The following DLG2 variants were observed in gnomAD, a reference collection of about 807,000 sequenced individuals.
DLG2 encodes disks large homolog 2.
Under a neutral mutation model 132.5 loss-of-function variants are expected in DLG2, and 45 were observed. The observed-to-expected ratio is 0.34, with a 90% CI of 0.27 to 0.44. The LOEUF is 0.44. Among genes scored for constraint, DLG2 ranks in the 20% least tolerant of loss-of-function variants. The pLI is 1.00. For synonymous variants in DLG2, 424 were observed against 419.6 expected (o/e 1.01, Z -0.13); for missense variants, 1,045 against 1,196.9 (o/e 0.87, Z 1.87).
At chr11:83,751,295 T>C (rs987795664) in intron 18 of DLG2, among the ~76,000 whole-genome samples, 1 of 151,940 alleles carries the variant, frequency 6.6e-6, no homozygotes, top group Non-Finnish European at 1.5e-5. Context: ...GCAGAAACAG[T>C]AGAGGAAGAG....
intron 7 of DLG2, among the ~76,000 whole-genome samples, chr11:84,481,182 T>C (rs2099136531): frequency 6.6e-6 from 1 of 152,224 alleles, no homozygotes; most frequent in Non-Finnish European, 1.5e-5. Flanking sequence ...TAATATTTTG[T>C]CTATCATATG....
At chr11:85,315,472 C>T (rs1175404650) in intron 3 of DLG2, among the ~76,000 whole-genome samples, 1 of 151,982 alleles carries the variant, frequency 6.6e-6, no homozygotes, top group Non-Finnish European at 1.5e-5. Context: ...GAGGACTCAG[C>T]AGTGGGATAA....
At chr11:85,130,640 C>T (rs2075621590) in intron 5 of DLG2, among the ~76,000 whole-genome samples, 1 of 152,186 alleles carries the variant, frequency 6.6e-6, no homozygotes, top group African/African-American at 2.4e-5. Context: ...TTGAAGACAG[C>T]ACCTTAGCCA....
intron 7 of DLG2, among the ~76,000 whole-genome samples, chr11:84,340,233 C>T (rs562869866): frequency 2.0e-5 from 3 of 152,322 alleles, no homozygotes; most frequent in South Asian, 2.1e-4. Flanking sequence ...CAAAACCCCA[C>T]CAGTTGCCTT....
At chr11:85,396,360 AC>A (rs1215149531) in intron 3 of DLG2, among the ~76,000 whole-genome samples, 3 of 152,102 alleles carry the variant, frequency 2.0e-5, no homozygotes, top group Admixed American at 2.0e-4. Context: ...AAAAGAGAGC[AC>A]CTCTTTTCCT....
intron 9 of DLG2, among the ~76,000 whole-genome samples, chr11:84,160,554 G>A (rs551592615): frequency 1.3e-5 from 2 of 152,202 alleles, no homozygotes; most frequent in Admixed American, 1.3e-4. Context: ...TTAGATTTTT[G>A]GTAAAGCAAA....
intron 21 of DLG2, among the ~76,000 whole-genome samples, chr11:83,506,723 T>A (rs1051932722): frequency 1.3e-5 from 2 of 152,156 alleles, no homozygotes; most frequent in African/African-American, 4.8e-5. Context: ...AAAAGGTTCA[T>A]CAGAATTTAC....
At chr11:83,588,130 C>G in intron 19 of DLG2, among the ~76,000 whole-genome samples, 1 of 152,146 alleles carries the variant, frequency 6.6e-6, no homozygotes, top group Non-Finnish European at 1.5e-5. Flanking sequence ...GTGGAGCCCA[C>G]CACAGCTCAA....
At chr11:83,597,658 T>C (rs1422824363) in intron 19 of DLG2, among the ~76,000 whole-genome samples, 1 of 150,552 alleles carries the variant, frequency 6.6e-6, no homozygotes, top group Non-Finnish European at 1.5e-5. Context: ...TGGTGGTGTG[T>C]TCCTTAGTCC....
chr11:84,695,650 A>G (rs1009918677), intron 6 of DLG2, among the ~76,000 whole-genome samples: 2 of 151,594 alleles, frequency 1.3e-5, no homozygotes, highest in Non-Finnish European at 3.0e-5. Context: ...AAATTAGGCT[A>G]TAATTACAAC....
chr11:83,874,246 G>GGGAAGGAAGGAAGAAGAGAGGGAA (rs2064135188), intron 16 of DLG2, among the ~76,000 whole-genome samples, 174 bp downstream of exon 16: 7 of 143,972 alleles, frequency 4.9e-5, no homozygotes, highest in African/African-American at 1.8e-4. Flanking sequence ...AAAGAAAGAA[G>GGGAAGGAAGGAAGAAGAGAGGGAA]GGAAGGAAGG....
At chr11:84,307,894 C>A (rs1268545925) in intron 7 of DLG2, among the ~76,000 whole-genome samples, 1 of 151,732 alleles carries the variant, frequency 6.6e-6, no homozygotes, top group Non-Finnish European at 1.5e-5. Flanking sequence ...CTTAAGGCGG[C>A]GCGTCTGGAG....
chr11:84,878,177 A>G (rs1011736626), intron 6 of DLG2, among the ~76,000 whole-genome samples: 7 of 152,228 alleles, frequency 4.6e-5, no homozygotes, highest in African/African-American at 1.7e-4. Flanking sequence ...ATCTAGAAAC[A>G]GAAATGCCAT....
At chr11:84,785,219 G>A (rs1039764276) in intron 6 of DLG2, among the ~76,000 whole-genome samples, 1 of 151,726 alleles carries the variant, frequency 6.6e-6, no homozygotes, top group African/African-American at 2.4e-5. Flanking sequence ...CTCTCCTCTT[G>A]CAATGTATTT....
Position 84,360,087 on chromosome 11 carries a change from C to T in DLG2, c.520-108796G>A, listed in dbSNP as rs560673778. On this transcript the variant is annotated intron_variant, in intron 7 of 27. Transcript: ENST00000376104. ...AAACTATTAATGGGATGCAATCAAT[C>T]GTGCAGGTGAACAGGTATCTTTTCA... 8.6e-5 allele frequency among the ~76,000 whole-genome samples: 13 copies of T among 151,860 alleles called. No homozygotes were observed. The East Asian group carries it at 1.9e-3, about 23-fold the overall frequency.
At chr11:84,235,627 C>A (rs4561234) in intron 8 of DLG2, among the ~76,000 whole-genome samples, 8,065 of 152,232 alleles carry the variant, frequency 0.053, 292 homozygotes, top group Non-Finnish European at 0.076. Context: ...CAATCTCGAA[C>A]AATGTGTTTC....
intron 16 of DLG2, among the ~76,000 whole-genome samples, chr11:83,861,420 T>A (rs910727892): frequency 6.6e-6 from 1 of 152,184 alleles, no homozygotes; most frequent in Non-Finnish European, 1.5e-5. Context: ...CAAAGAGATA[T>A]CTGCACTGCT....
chr11:84,002,147 A>T (rs957202258), intron 11 of DLG2, among the ~76,000 whole-genome samples: 2 of 152,194 alleles, frequency 1.3e-5, no homozygotes, highest in African/African-American at 4.8e-5. Context: ...AGAAAGAGAA[A>T]ATTGATAAAC....
intron 3 of DLG2, among the ~76,000 whole-genome samples, chr11:85,335,316 T>A (rs1271050252): frequency 6.6e-6 from 1 of 152,144 alleles, no homozygotes. Flanking sequence ...TGTCACTGCA[T>A]GTGAGACGGG....
Sources: gnomAD v4.1 joint callset for allele counts (sites outside exome capture counted in the v4.1 genomes callset) on GRCh38, gnomAD v4.1.1 for gene constraint, MANE v1.5 for transcripts, NCBI Gene and HGNC (gene_info 2026-07-23, HGNC 2026-07-21) for gene names.